The following GRK3 variants were observed in gnomAD, a reference collection of about 807,000 sequenced individuals.
GRK3 encodes G protein-coupled receptor kinase 3, also known as adrenergic, beta, receptor kinase 2.
GRK3 carries 54 observed loss-of-function variants against 95.7 expected under a neutral mutation model. That is an observed-to-expected ratio of 0.56 (90% CI 0.45 to 0.71). The LOEUF (loss-of-function observed/expected upper bound fraction) is 0.71, where lower values mean the gene tolerates loss of function less well. GRK3 is among the 30% of genes least tolerant of loss of function. The pLI, the probability that GRK3 is intolerant of heterozygous loss-of-function variation, is 0.00. For missense variants in GRK3, 649 were observed against 851.2 expected, an observed-to-expected ratio of 0.76 and a Z score of 2.96; for synonymous variants, 281 against 290.8, an observed-to-expected ratio of 0.97 and a Z score of 0.34.
At chr22:25,647,989 G>A in intron 3 of GRK3, 1 of 483,050 alleles carries the variant, frequency 2.1e-6, no homozygotes, top group Non-Finnish European at 3.8e-6. Flanking sequence ...GGTGGTGAGT[G>A]CCTGTAATCC....
chr22:25,714,575 A>C lies in GRK3; in HGVS notation c.1654+5A>C. On this transcript the variant is annotated splice_donor_5th_base_variant and intron_variant, in intron 18 of 20. Transcript: ENST00000324198. Reference sequence around the variant, plus strand: ...AGCAACTTGGCCACGAAGAAGGTAAAATAGCTCACGTGTCTCAAAACATTT... The same window carrying C: ...AGCAACTTGGCCACGAAGAAGGTAACATAGCTCACGTGTCTCAAAACATTT... 5.0e-6 allele frequency: 8 copies of C among 1,585,164 alleles called. No homozygotes were observed. Among genetic ancestry groups the C allele is most frequent in the Non-Finnish European group, 6.8e-6 (8 of 1,169,554 alleles).
chr22:25,574,934 T>A (rs1005989720), intron 1 of GRK3, among the ~76,000 whole-genome samples: 5 of 152,202 alleles, frequency 3.3e-5, no homozygotes, highest in African/African-American at 1.2e-4. Flanking sequence ...AAAAGCTTGT[T>A]TTTTATGCAA....
chr22:25,674,924 G>T (rs1011109305), intron 8 of GRK3, among the ~76,000 whole-genome samples: 6 of 152,080 alleles, frequency 3.9e-5, no homozygotes, highest in Non-Finnish European at 8.8e-5. Flanking sequence ...TCTAGCCTGG[G>T]CAACAGAGCA....
In GRK3 at chr22:25,727,763, A is replaced by G. The variant is rs535360323; in HGVS notation, c.*5313A>G. 6.6e-6 allele frequency: 1 copy of G among 152,214 alleles called. No homozygotes were observed. Among genetic ancestry groups the G allele is most frequent in the Non-Finnish European group, 1.5e-5 (1 of 68,034 alleles). The allele number at this position is 152,214 out of a possible 1,614,324, so 9.4% of individuals were successfully genotyped here. A position where few individuals can be genotyped will look rare whatever the true frequency, so the allele number is the denominator to read the frequency against. Reference sequence around the variant, plus strand: ...CCTAAATATCAGATGTCTTTGATGTAAGGGTAGGGAATGGAGAAATATTTT... The same window carrying G: ...CCTAAATATCAGATGTCTTTGATGTGAGGGTAGGGAATGGAGAAATATTTT... On this transcript the variant is annotated 3_prime_UTR_variant, in exon 21 of 21. Transcript: ENST00000324198.
chr22:25,666,355 C>G (rs977002748), intron 5 of GRK3, among the ~76,000 whole-genome samples: 7 of 152,188 alleles, frequency 4.6e-5, no homozygotes, highest in Non-Finnish European at 8.8e-5. Context: ...CGTCTCTTGA[C>G]TCTTTTGAAC....
At chr22:25,588,464 G>A (rs1433083338) in intron 1 of GRK3, among the ~76,000 whole-genome samples, 1 of 152,166 alleles carries the variant, frequency 6.6e-6, no homozygotes, top group Non-Finnish European at 1.5e-5. Flanking sequence ...AAGAAACTGA[G>A]GAAACTCAAA....
At chr22:25,715,730 A>G (rs2085378688) in intron 18 of GRK3, among the ~76,000 whole-genome samples, 1 of 152,302 alleles carries the variant, frequency 6.6e-6, no homozygotes, top group South Asian at 2.1e-4. Context: ...CTCTGAGCAA[A>G]GACCCTTGCA....
chr22:25,611,423 G>A (rs1024334794), intron 2 of GRK3, among the ~76,000 whole-genome samples: 1 of 152,174 alleles, frequency 6.6e-6, no homozygotes, highest in Non-Finnish European at 1.5e-5. Context: ...TGGCTGTACT[G>A]TTTTACATTC....
intron 1 of GRK3, among the ~76,000 whole-genome samples, chr22:25,582,577 A>T (rs1243284906): frequency 6.6e-6 from 1 of 152,214 alleles, no homozygotes; most frequent in Non-Finnish European, 1.5e-5. Context: ...AAAATAACCA[A>T]TATAATTTTG....
intron 3 of GRK3, among the ~76,000 whole-genome samples, chr22:25,659,530 T>C (rs34569962): frequency 0.02 from 3,026 of 152,330 alleles, 46 homozygotes; most frequent in Non-Finnish European, 0.028. Flanking sequence ...TGATAGTGTT[T>C]CTATCCTGCA....
At chr22:25,644,728 A>G in intron 3 of GRK3, 63 bp downstream of exon 3, 7 of 778,068 alleles carry the variant, frequency 9.0e-6, no homozygotes, top group Non-Finnish European at 1.2e-5. Flanking sequence ...GTACTTTGGA[A>G]CATATTAAGA....
At chr22:25,595,260 A>G (rs1034674709) in intron 1 of GRK3, among the ~76,000 whole-genome samples, 19 of 152,282 alleles carry the variant, frequency 1.2e-4, no homozygotes, top group African/African-American at 4.3e-4. Context: ...AGAAAACCCT[A>G]AAGACTCTGC....
At chr22:25,715,743 G>A (rs2085378826) in intron 18 of GRK3, among the ~76,000 whole-genome samples, 1 of 152,116 alleles carries the variant, frequency 6.6e-6, no homozygotes, top group Admixed American at 6.5e-5. Flanking sequence ...CCCTTGCAAG[G>A]TTAACCTTAT....
intron 1 of GRK3, among the ~76,000 whole-genome samples, chr22:25,572,298 A>G (rs1931729775): frequency 6.6e-6 from 1 of 152,202 alleles, no homozygotes; most frequent in South Asian, 2.1e-4. Context: ...TGCTATTGTA[A>G]ATAGTGCCGC....
rs531701439 is a variant in GRK3, at chr22:25,696,613, G to A, written c.1160+1399G>A. Among the ~76,000 whole-genome samples the A allele has an allele frequency of 3.3e-5, 5 of 152,188 alleles. No individual in the cohort carries two copies. The East Asian group carries it at 9.6e-4, about 29-fold the overall frequency. The stretch of plus-strand genomic sequence containing the variant: ...AATATTTTCATATGAACACAGTCCC[G>A]ATAGTTTGCTAAATGTTGCACCTTT... On this transcript the variant is annotated intron_variant, in intron 13 of 20. Coordinates refer to ENST00000324198, the MANE Select transcript of GRK3 (RefSeq NM_005160.4).
intron 8 of GRK3, among the ~76,000 whole-genome samples, chr22:25,676,049 G>A (rs2085026197): frequency 6.6e-6 from 1 of 152,224 alleles, no homozygotes; most frequent in African/African-American, 2.4e-5. Context: ...AAAGTGCCTT[G>A]TTATGAGAAT....
At chr22:25,627,027 G>GATGTCC (rs1384326270) in intron 2 of GRK3, among the ~76,000 whole-genome samples, 1 of 152,162 alleles carries the variant, frequency 6.6e-6, no homozygotes, top group Non-Finnish European at 1.5e-5. Context: ...GGATGCAAGG[G>GATGTCC]CCATCTGGGG....
intron 19 of GRK3, among the ~76,000 whole-genome samples, chr22:25,720,441 T>C (rs1223320109): frequency 6.6e-6 from 1 of 151,466 alleles, no homozygotes; most frequent in Non-Finnish European, 1.5e-5. Flanking sequence ...CACTATAGCA[T>C]TCACTTTAAG....
intron 19 of GRK3, among the ~76,000 whole-genome samples, chr22:25,719,484 G>C (rs1413166805): frequency 6.6e-6 from 1 of 152,170 alleles, no homozygotes; most frequent in Non-Finnish European, 1.5e-5. Context: ...GAATTTGTAG[G>C]TGGATCATAC....
Sources: gnomAD v4.1 joint callset for allele counts (sites outside exome capture counted in the v4.1 genomes callset) on GRCh38, gnomAD v4.1.1 for gene constraint, MANE v1.5 for transcripts, NCBI Gene and HGNC (gene_info 2026-07-23, HGNC 2026-07-21) for gene names.